Variants in SFMBT2 observed in about 807,000 individuals in gnomAD.
The protein encoded by SFMBT2 is Scm like with four mbt domains 2.
In SFMBT2, 38 loss-of-function variants were observed where a neutral mutation model predicts 110.1. That is an observed-to-expected ratio of 0.35 (90% confidence interval 0.27 to 0.45). The LOEUF is 0.45. SFMBT2 is among the 20% of genes least tolerant of loss of function. The pLI is 1.00. For synonymous variants in SFMBT2, 425 were observed against 425.4 expected, an observed-to-expected ratio of 1.00 and a Z score of 0.01; for missense variants, 1,011 against 1,094.9, an observed-to-expected ratio of 0.92 and a Z score of 1.08.
chr10:7,324,370 A>G (rs1232446308), intron 4 of SFMBT2, among the ~76,000 whole-genome samples: 2 of 152,224 alleles, frequency 1.3e-5, no homozygotes, highest in African/African-American at 4.8e-5. Context: ...GTTGAAAAAT[A>G]ATGGAATAAG....
chr10:7,243,756 A>AAACCCTTTACACAACCAGCCTCCCCAGAT, intron 8 of SFMBT2, 51 bp from the exon 9 acceptor site: 1 of 820,758 alleles, frequency 1.2e-6, no homozygotes. Flanking sequence ...AGAGTTACAT[A>AAACCCTTTACACAACCAGCCTCCCCAGAT]TAATGCTAGT....
chr10:7,312,848 C>A (rs1439174990), intron 4 of SFMBT2, among the ~76,000 whole-genome samples: 7 of 152,096 alleles, frequency 4.6e-5, no homozygotes, highest in Non-Finnish European at 1.5e-5. Context: ...GGTAAACAGA[C>A]AATATAACCT....
chr10:7,284,198 T>C, intron 5 of SFMBT2, 48 bp from the exon 6 acceptor site: 12 of 1,587,308 alleles, frequency 7.6e-6, no homozygotes, highest in Non-Finnish European at 1.0e-5. Context: ...TATTTTAAGG[T>C]TCTCATGGAA....
intron 13 of SFMBT2, among the ~76,000 whole-genome samples, chr10:7,201,164 C>T (rs117979288): frequency 7.9e-5 from 12 of 152,294 alleles, no homozygotes; most frequent in Middle Eastern, 3.4e-3. Flanking sequence ...TCAAAGTCAA[C>T]CCTTACAAGA....
chr10:7,212,262 T>A (rs151171389), intron 11 of SFMBT2, among the ~76,000 whole-genome samples: 79 of 152,336 alleles, frequency 5.2e-4, no homozygotes, highest in Admixed American at 1.2e-3. Flanking sequence ...TGTCCCCAAA[T>A]TCGGTTGGCC....
chr10:7,245,134 C>G (rs1840565777), intron 8 of SFMBT2, among the ~76,000 whole-genome samples: 1 of 152,032 alleles, frequency 6.6e-6, no homozygotes, highest in Non-Finnish European at 1.5e-5. Flanking sequence ...TACCGGGGGG[C>G]ACAGTCCCAG....
chr10:7,257,123 G>GGGGGGAGGGGAAAGA (rs1841039653), intron 7 of SFMBT2, among the ~76,000 whole-genome samples: 1 of 129,232 alleles, frequency 7.7e-6, no homozygotes. Context: ...GAGGGGAGGG[G>GGGGGGAGGGGAAAGA]AAAGAAAAGA....
chr10:7,312,465 C>T (rs1412077313), intron 4 of SFMBT2, among the ~76,000 whole-genome samples: 1 of 152,054 alleles, frequency 6.6e-6, no homozygotes, highest in Non-Finnish European at 1.5e-5. Flanking sequence ...AATGCTGAGG[C>T]CAGAAGTAAA....
intron 16 of SFMBT2, among the ~76,000 whole-genome samples, chr10:7,184,307 A>G (rs148512773): frequency 7.2e-4 from 110 of 152,248 alleles, no homozygotes; most frequent in African/African-American, 2.5e-3. Context: ...AGTTTCCCCC[A>G]TACTTTTCCT....
At chr10:7,222,875 T>A in intron 10 of SFMBT2, among the ~76,000 whole-genome samples, 1 of 152,148 alleles carries the variant, frequency 6.6e-6, no homozygotes, top group East Asian at 1.9e-4. Context: ...TTTCACCATG[T>A]TGGCCAGGCT....
intron 20 of SFMBT2, among the ~76,000 whole-genome samples, chr10:7,169,897 T>C (rs556889640): frequency 1.3e-5 from 2 of 152,356 alleles, no homozygotes; most frequent in African/African-American, 4.8e-5. Flanking sequence ...GTAGAAATTA[T>C]ATCGACTGTT....
At chr10:7,244,111 AG>A (rs1431983550) in intron 8 of SFMBT2, 3 of 587,112 alleles carry the variant, frequency 5.1e-6, no homozygotes, top group Non-Finnish European at 6.4e-6. Context: ...TCTTTACACC[AG>A]ATCACTCAAG....
chr10:7,341,386 G>A (rs2131984434), intron 4 of SFMBT2, among the ~76,000 whole-genome samples: 1 of 152,150 alleles, frequency 6.6e-6, no homozygotes, highest in South Asian at 2.1e-4. Context: ...TTCTACTAAG[G>A]GAAGAGAAAT....
At chr10:7,325,671 T>C (rs188337694) in intron 4 of SFMBT2, among the ~76,000 whole-genome samples, 4 of 152,340 alleles carry the variant, frequency 2.6e-5, no homozygotes, top group Admixed American at 2.6e-4. Context: ...CAGGTACAAC[T>C]CTACCAGAAG....
At chr10:7,359,413 G>A (rs1216016831) in intron 4 of SFMBT2, among the ~76,000 whole-genome samples, 1 of 152,150 alleles carries the variant, frequency 6.6e-6, no homozygotes, top group Non-Finnish European at 1.5e-5. Flanking sequence ...AAGTGAAGGA[G>A]TTAACACGGA....
At chr10:7,406,617 C>T (rs1846217298) in intron 1 of SFMBT2, among the ~76,000 whole-genome samples, 1 of 152,028 alleles carries the variant, frequency 6.6e-6, no homozygotes, top group Non-Finnish European at 1.5e-5. Flanking sequence ...ACTTTTAAGT[C>T]AAGAATCGTG....
chr10:7,297,346 G>A (rs1842431665), intron 4 of SFMBT2, among the ~76,000 whole-genome samples: 1 of 152,190 alleles, frequency 6.6e-6, no homozygotes, highest in African/African-American at 2.4e-5. Flanking sequence ...TGTGACATCA[G>A]AAAGGCTGCC....
chr10:7,243,452 A>C, intron 9 of SFMBT2, 106 bp downstream of exon 9: 1 of 753,408 alleles, frequency 1.3e-6, no homozygotes, highest in East Asian at 2.4e-5. Context: ...CTACATCTAA[A>C]CCCTTTACAC....
rs566300578 is a variant in SFMBT2, at chr10:7,387,387, G to A, written c.-51-5438C>T. Among the ~76,000 whole-genome samples the A allele has an allele frequency of 7.9e-5, 12 of 152,166 alleles. No homozygotes were observed. The East Asian group carries it at 9.6e-4, about 12-fold the overall frequency. On this transcript the variant is annotated intron_variant, in intron 1 of 20. Transcript: ENST00000397167. ...TGCCAGACACCACGTTGGGCACTGGGGACAGACATATAAATACCAGTGGCT... is the reference window on the plus strand; with the variant it reads ...TGCCAGACACCACGTTGGGCACTGGAGACAGACATATAAATACCAGTGGCT...
Sources: gnomAD v4.1 joint callset for allele counts (sites outside exome capture counted in the v4.1 genomes callset) on GRCh38, gnomAD v4.1.1 for gene constraint, MANE v1.5 for transcripts, NCBI Gene and HGNC (gene_info 2026-07-23, HGNC 2026-07-21) for gene names.